The following SLCO3A1 variants were observed in gnomAD, a reference collection of about 807,000 sequenced individuals.
SLCO3A1 encodes the protein PGE1 transporter.
Under a neutral mutation model 63.1 loss-of-function variants are expected in SLCO3A1, and 27 were observed. That is an observed-to-expected ratio of 0.43 (90% CI 0.32 to 0.59). The LOEUF is 0.59. Among genes scored for constraint, SLCO3A1 ranks in the 20% least tolerant of loss-of-function variants. The probability of loss-of-function intolerance (pLI) is 0.09; values close to 1 mark genes in which losing one functional copy is unlikely to be tolerated. For synonymous variants in SLCO3A1, 473 were observed against 409.9 expected (o/e 1.15, Z -1.86); for missense variants, 773 against 945.8 (o/e 0.82, Z 2.40).
At chr15:92,088,476 G>A (rs998638761) in intron 2 of SLCO3A1, among the ~76,000 whole-genome samples, 7 of 152,162 alleles carry the variant, frequency 4.6e-5, no homozygotes, top group South Asian at 2.1e-4. Flanking sequence ...TTTGCTTAAC[G>A]ATTGTATTAG....
intron 2 of SLCO3A1, among the ~76,000 whole-genome samples, chr15:91,999,843 A>G (rs1364349063): frequency 6.6e-6 from 1 of 152,240 alleles, no homozygotes; most frequent in Non-Finnish European, 1.5e-5. Flanking sequence ...ATTTTCTATT[A>G]CAAGTCAGCA....
At chr15:91,933,787 G>C (rs1042416074) in intron 2 of SLCO3A1, among the ~76,000 whole-genome samples, 4 of 152,186 alleles carry the variant, frequency 2.6e-5, no homozygotes, top group Non-Finnish European at 5.9e-5. Context: ...ACTTGCCCAA[G>C]GTCTCAGAGC....
chr15:91,963,408 T>A (rs55648428), intron 2 of SLCO3A1, among the ~76,000 whole-genome samples: 3 of 22,914 alleles, frequency 1.3e-4, no homozygotes, highest in African/African-American at 3.0e-4. Context: ...TCGGGGAGGG[T>A]GGGGGGGGGG....
chr15:91,871,725 A>G (rs1597075186), intron 1 of SLCO3A1, among the ~76,000 whole-genome samples: 1 of 96,034 alleles, frequency 1.0e-5, no homozygotes, highest in African/African-American at 4.2e-5. Flanking sequence ...GCACCTTTTG[A>G]CTTTATGACA....
In SLCO3A1 at chr15:91,897,375, C is replaced by T. The variant is rs758570284; in HGVS notation, c.181-18618C>T. Among the ~76,000 whole-genome samples the T allele has an allele frequency of 6.6e-6, 1 of 152,050 alleles. No homozygotes were observed. Among genetic ancestry groups the T allele is most frequent in the Non-Finnish European group, 1.5e-5 (1 of 68,000 alleles). On this transcript the variant is annotated intron_variant, in intron 1 of 9. Transcript: ENST00000318445. This position sits in a 1 kb window ranked among gnomAD's most constrained non-coding sequence, Gnocchi z 4.7. ...CTGAGGCACGAGAATTGCTTGAACC[C>T]AGGAGGCAGAGGTTGCAGTGAGCCA...
chr15:92,106,072 T>A (rs1021558196), intron 4 of SLCO3A1, among the ~76,000 whole-genome samples: 1 of 152,216 alleles, frequency 6.6e-6, no homozygotes, highest in African/African-American at 2.4e-5. Context: ...CTGCCAGTGC[T>A]GTCTCAAGAA....
At chr15:92,104,203 G>C (rs948636911) in intron 3 of SLCO3A1, 76 bp from the exon 4 acceptor site, 21 of 1,531,662 alleles carry the variant, frequency 1.4e-5, no homozygotes, top group Non-Finnish European at 1.8e-5. Context: ...TCTGTTCAGC[G>C]GATTCAGATT....
At chr15:92,038,653 A>G (rs1385468297) in intron 2 of SLCO3A1, among the ~76,000 whole-genome samples, 2 of 152,224 alleles carry the variant, frequency 1.3e-5, no homozygotes, top group East Asian at 3.8e-4. Context: ...GGAAGAATCA[A>G]TATTGTGAAA....
At position 92,128,349 on chromosome 15, in the gene SLCO3A1, A is replaced by G; in HGVS notation, c.1374-2A>G. 6.2e-7 allele frequency: 1 copy of G among 1,613,292 alleles called. No homozygotes were observed. Among genetic ancestry groups the G allele is most frequent in the Non-Finnish European group, 8.5e-7 (1 of 1,179,760 alleles). On this transcript the variant is annotated splice_acceptor_variant, in intron 6 of 9. Transcript: ENST00000318445. LOFTEE classifies it high-confidence loss of function. Reference sequence around the variant, plus strand: ...GGCTTCCGTGTTTCCTTTCTTTTCCAGCACAGCACCTGGCTCAGCCCTGGA... The same window carrying G: ...GGCTTCCGTGTTTCCTTTCTTTTCCGGCACAGCACCTGGCTCAGCCCTGGA...
intron 2 of SLCO3A1, among the ~76,000 whole-genome samples, chr15:92,007,542 G>A (rs1295555885): frequency 6.6e-6 from 1 of 152,200 alleles, no homozygotes; most frequent in Non-Finnish European, 1.5e-5. Context: ...CTCATGGTGA[G>A]TGGCAGAAGG....
chr15:92,031,580 T>C (rs2046648845), intron 2 of SLCO3A1, among the ~76,000 whole-genome samples: 1 of 152,174 alleles, frequency 6.6e-6, no homozygotes, highest in Non-Finnish European at 1.5e-5. Flanking sequence ...TCTGTAGAAG[T>C]GTGGTATGTC....
chr15:91,985,396 T>C (rs2046038969), intron 2 of SLCO3A1, among the ~76,000 whole-genome samples: 1 of 152,218 alleles, frequency 6.6e-6, no homozygotes, highest in South Asian at 2.1e-4. Flanking sequence ...GTGTCCAGTT[T>C]GTGGCTATCA....
At chr15:92,129,426 T>G (rs1392202934) in intron 7 of SLCO3A1, among the ~76,000 whole-genome samples, 1 of 152,182 alleles carries the variant, frequency 6.6e-6, no homozygotes, top group Non-Finnish European at 1.5e-5. Context: ...CACCGGTCAG[T>G]AGCCTCCTCC....
chr15:92,069,094 CCG>C (rs1239896239), intron 2 of SLCO3A1, among the ~76,000 whole-genome samples: 3 of 25,354 alleles, frequency 1.2e-4, no homozygotes, highest in South Asian at 2.7e-3. Context: ...AGGGCTCCCC[CCG>C]CCCCCCCCCC....
intron 4 of SLCO3A1, among the ~76,000 whole-genome samples, chr15:92,120,062 C>G (rs937727817): frequency 6.4e-4 from 97 of 151,370 alleles, no homozygotes; most frequent in African/African-American, 2.3e-3. Context: ...GATATTTATA[C>G]TTTATTTTAT....
chr15:91,876,763 G>C (rs1450031217), intron 1 of SLCO3A1, among the ~76,000 whole-genome samples: 2 of 152,116 alleles, frequency 1.3e-5, no homozygotes, highest in South Asian at 2.1e-4. Context: ...CTTTTGTTTT[G>C]CACAGCACCT....
At chr15:92,060,968 A>G (rs1289340978) in intron 2 of SLCO3A1, among the ~76,000 whole-genome samples, 5 of 152,180 alleles carry the variant, frequency 3.3e-5, no homozygotes, top group African/African-American at 1.2e-4. Flanking sequence ...GACCACTGTC[A>G]TTGTATTCGA....
At chr15:92,026,033 T>A (rs1429734361) in intron 2 of SLCO3A1, among the ~76,000 whole-genome samples, 1 of 152,228 alleles carries the variant, frequency 6.6e-6, no homozygotes, top group East Asian at 1.9e-4. Context: ...GGTCAGCGCA[T>A]CCCTGAGAGC....
intron 3 of SLCO3A1, among the ~76,000 whole-genome samples, chr15:92,099,913 A>T (rs1237779186): frequency 6.6e-6 from 1 of 152,072 alleles, no homozygotes; most frequent in Admixed American, 6.5e-5. Context: ...AATACAAAAA[A>T]AAATTAGCCG....
Sources: allele counts gnomAD v4.1 joint callset (sites outside exome capture counted in the v4.1 genomes callset), GRCh38; gene constraint gnomAD v4.1.1; non-coding constraint Gnocchi (gnomAD v3.1); transcripts MANE v1.5; gene names NCBI Gene and HGNC (gene_info 2026-07-23, HGNC 2026-07-21).